The following TTLL5 variants were observed in gnomAD, a reference collection of about 807,000 sequenced individuals.
The protein encoded by TTLL5 is tubulin polyglutamylase TTLL5.
TTLL5 carries 132 observed loss-of-function variants against 168.4 expected under a neutral mutation model. That is an observed-to-expected ratio of 0.78 (90% CI 0.68 to 0.91). TTLL5 has a LOEUF of 0.91. TTLL5 is among the 40% of genes least tolerant of loss of function. The pLI is 0.00. For synonymous variants in TTLL5, 546 were observed against 558.6 expected (o/e 0.98, Z 0.32); for missense variants, 1,545 against 1,581.5 (o/e 0.98, Z 0.39).
intron 28 of TTLL5, among the ~76,000 whole-genome samples, chr14:75,832,826 CTG>C (rs1225260836): frequency 1.3e-5 from 2 of 152,214 alleles, no homozygotes; most frequent in African/African-American, 4.8e-5. Context: ...CAGGCACTGT[CTG>C]TCATCGCTTC....
intron 18 of TTLL5, among the ~76,000 whole-genome samples, chr14:75,763,599 A>G (rs1294424718): frequency 6.6e-6 from 1 of 152,116 alleles, no homozygotes; most frequent in Admixed American, 6.5e-5. Context: ...AACCAATTAG[A>G]TATTGCGTTT....
intron 12 of TTLL5, among the ~76,000 whole-genome samples, chr14:75,724,347 T>C (rs1351007751): frequency 6.6e-6 from 1 of 152,228 alleles, no homozygotes; most frequent in African/African-American, 2.4e-5. Flanking sequence ...AGTCATAGGT[T>C]AGCCTTTCGG....
At chr14:75,699,370 G>A (rs1050398390) in intron 7 of TTLL5, 100 bp downstream of exon 7, 2 of 1,065,364 alleles carry the variant, frequency 1.9e-6, no homozygotes, top group Admixed American at 4.4e-5. Context: ...TTAAGAGCAG[G>A]TGTGCTCTTC....
At position 75,775,507 on chromosome 14, in the gene TTLL5, G is replaced by T. The variant is rs777553007; in HGVS notation, c.2160G>T (p.Lys720Asn). ...EQMELVVRFL[K>N]RASNNLQHSL... ...AGGAGCTGGTTGTTCGTTTCCTCAA[G>T]CGAGCATCAAATAACCTCCAGCATT... Residue 720 changes from lysine (K) to asparagine (N), a missense_variant, in exon 22 of 32, where the codon AAG becomes AAT. Physicochemically the swap from Lys to Asn is moderately conservative, Grantham distance 94. Coordinates refer to ENST00000298832, the MANE Select transcript of TTLL5 (RefSeq NM_015072.5). The T allele has an allele frequency of 2.1e-5, 34 of 1,613,660 alleles. No homozygotes were observed. The East Asian group carries it at 7.6e-4, about 36-fold the overall frequency.
chr14:75,687,497 C>A (rs1406979825), intron 5 of TTLL5, among the ~76,000 whole-genome samples: 2 of 152,098 alleles, frequency 1.3e-5, no homozygotes, highest in Non-Finnish European at 2.9e-5. Flanking sequence ...TGGTCTCGAA[C>A]TCCTGACCTC....
chr14:75,755,281 T>A (rs867590266), intron 18 of TTLL5, among the ~76,000 whole-genome samples: 2,431 of 142,330 alleles, frequency 0.017, 52 homozygotes, highest in African/African-American at 0.035. Context: ...ATAATAATAA[T>A]AATAATAATA....
At chr14:75,738,543 C>T (rs1889050519) in intron 15 of TTLL5, among the ~76,000 whole-genome samples, 1 of 152,086 alleles carries the variant, frequency 6.6e-6, no homozygotes, top group South Asian at 2.1e-4. Context: ...TAATGTGGCT[C>T]TGTAGTATGA....
At chr14:75,806,030 CTTT>C (rs200829500) in intron 27 of TTLL5, among the ~76,000 whole-genome samples, 6 of 137,886 alleles carry the variant, frequency 4.4e-5, no homozygotes, top group Admixed American at 7.3e-5. Context: ...CTGAAAGATT[CTTT>C]TTTTTTTTTT....
In TTLL5 at chr14:75,805,751, A is replaced by G. The variant is rs116051873; in HGVS notation, c.3171+12651A>G. Among the ~76,000 whole-genome samples, 1,271 of 152,264 alleles carry G rather than the reference A, an allele frequency of 8.3e-3. 16 individuals are homozygous for G. Among genetic ancestry groups the G allele is most frequent in the African/African-American group, 0.029 (1,196 of 41,532 alleles). On this transcript the variant is annotated intron_variant, in intron 27 of 31. Coordinates refer to ENST00000298832, the MANE Select transcript of TTLL5 (RefSeq NM_015072.5). ...TTTGCCTCTTTTTGTTCTTCTCTAT[A>G]TTAGTGACATTGCAATTCTTGGAAT...
chr14:75,727,583 T>G (rs1888259244), intron 12 of TTLL5, among the ~76,000 whole-genome samples: 1 of 152,218 alleles, frequency 6.6e-6, no homozygotes, highest in Non-Finnish European at 1.5e-5. Flanking sequence ...AAAATTGTCC[T>G]ATGTCTTGTG....
At chr14:75,713,704 G>A (rs1887248590) in intron 9 of TTLL5, among the ~76,000 whole-genome samples, 9 of 152,218 alleles carry the variant, frequency 5.9e-5, no homozygotes, top group Admixed American at 5.9e-4. Context: ...CTGGAGAATG[G>A]AGAGTACATG....
At chr14:75,857,414 TAG>T (rs1478467970) in intron 28 of TTLL5, among the ~76,000 whole-genome samples, 26 of 152,016 alleles carry the variant, frequency 1.7e-4, no homozygotes, top group African/African-American at 6.0e-4. Context: ...GATAGATAGA[TAG>T]ATTTTATTAG....
chr14:75,720,695 G>A lies in TTLL5; in HGVS notation c.1034G>A (p.Ser345Asn), dbSNP rs1300913858. ...AAAACCTTTGTTCCTCATCGCAGCA[G>A]TTGTTTTGGTAAGGAGACTCAAGAA... Reference protein sequence around the residue: ...ACKTFVPHRSSCFELYGFDVL... With the variant: ...ACKTFVPHRSNCFELYGFDVL... Residue 345 changes from serine (S) to asparagine (N), a missense_variant, in exon 12 of 32, where the codon AGT (serine) becomes AAT (asparagine). Coordinates refer to ENST00000298832, the MANE Select transcript of TTLL5 (RefSeq NM_015072.5). 1 of 1,613,072 alleles carries A rather than the reference G, an allele frequency of 6.2e-7. No homozygotes were observed. The highest frequency in any genetic ancestry group is 2.2e-5 in the East Asian group (1 of 44,878).
chr14:75,819,938 C>A, intron 27 of TTLL5, 69 bp from the exon 28 acceptor site: 1 of 1,510,608 alleles, frequency 6.6e-7, no homozygotes, highest in Non-Finnish European at 8.9e-7. Context: ...TTGATTTTGC[C>A]TATATGTTGT....
chr14:75,916,805 T>C (rs2033631533), intron 31 of TTLL5, among the ~76,000 whole-genome samples: 2 of 152,222 alleles, frequency 1.3e-5, no homozygotes. Flanking sequence ...GGCAGATGAA[T>C]GAGTCAACAA....
At chr14:75,900,216 G>A (rs768507147) in intron 30 of TTLL5, among the ~76,000 whole-genome samples, 5 of 152,172 alleles carry the variant, frequency 3.3e-5, no homozygotes, top group Non-Finnish European at 7.3e-5. Context: ...GGCCGAGGCT[G>A]ATGGGAAAAG....
intron 28 of TTLL5, among the ~76,000 whole-genome samples, chr14:75,835,042 T>G (rs1052305831): frequency 1.3e-5 from 2 of 152,196 alleles, no homozygotes; most frequent in Non-Finnish European, 2.9e-5. Context: ...AACTCCAACC[T>G]GGGCAACAGA....
chr14:75,757,914 T>C (rs754392520), intron 18 of TTLL5: 1 of 1,564,994 alleles, frequency 6.4e-7, no homozygotes, highest in South Asian at 1.2e-5. Flanking sequence ...ATGTGCATAA[T>C]GTGTGACCAT....
intron 28 of TTLL5, among the ~76,000 whole-genome samples, chr14:75,856,478 C>T (rs1595157064): frequency 6.6e-6 from 1 of 152,116 alleles, no homozygotes; most frequent in East Asian, 1.9e-4. Context: ...CCCAGTGAGT[C>T]AACATGGTAT....
Sources: gnomAD v4.1 joint callset for allele counts (sites outside exome capture counted in the v4.1 genomes callset) on GRCh38, gnomAD v4.1.1 for gene constraint, MANE v1.5 for transcripts, NCBI Gene and HGNC (gene_info 2026-07-23, HGNC 2026-07-21) for gene names.